The following GLG1 variants were observed in gnomAD, a reference collection of about 807,000 sequenced individuals.
GLG1 encodes Golgi apparatus protein 1.
In GLG1, 38 loss-of-function variants were observed where a neutral mutation model predicts 160.5. The observed-to-expected ratio is 0.24, with a 90% confidence interval of 0.18 to 0.31. The LOEUF (loss-of-function observed/expected upper bound fraction) is 0.31, where lower values mean the gene tolerates loss of function less well. Among genes scored for constraint, GLG1 ranks in the 10% least tolerant of loss-of-function variants. GLG1 has a pLI of 1.00. For synonymous variants in GLG1, 644 were observed against 543.4 expected (o/e 1.19, Z -2.57); for missense variants, 1,373 against 1,505.2 (o/e 0.91, Z 1.45).
At chr16:74,495,106 CTTTTTTTTTT>C (rs5817913) in intron 5 of GLG1, among the ~76,000 whole-genome samples, 3 of 83,240 alleles carry the variant, frequency 3.6e-5, no homozygotes, top group East Asian at 3.6e-4. Flanking sequence ...GAGTCTGAGT[CTTTTTTTTTT>C]TTTTTTTTTT....
intron 11 of GLG1, among the ~76,000 whole-genome samples, chr16:74,479,051 C>CAAAA (rs34125450): frequency 0.021 from 365 of 17,580 alleles, 111 homozygotes; most frequent in Non-Finnish European, 0.027. Context: ...ATTAAAAATC[C>CAAAA]AAAAAAAAAA....
intron 1 of GLG1, among the ~76,000 whole-genome samples, chr16:74,555,261 G>C (rs1313917749): frequency 6.6e-6 from 1 of 151,950 alleles, no homozygotes; most frequent in Non-Finnish European, 1.5e-5. Context: ...CTTATCTAGT[G>C]GTCTGTCCTA....
At chr16:74,545,708 T>C (rs2018026529) in intron 1 of GLG1, among the ~76,000 whole-genome samples, 1 of 152,264 alleles carries the variant, frequency 6.6e-6, no homozygotes, top group South Asian at 2.1e-4. Context: ...CTCAACTTTA[T>C]ATTTAAGTTC....
chr16:74,565,353 A>T (rs2018626022), intron 1 of GLG1, among the ~76,000 whole-genome samples: 2 of 152,142 alleles, frequency 1.3e-5, no homozygotes, highest in Admixed American at 6.6e-5. Flanking sequence ...ACAAAACAAA[A>T]CTGAGAGGTT....
Position 74,474,528 on chromosome 16 carries a change from A to G in GLG1, c.2052+18T>C. On this transcript the variant is annotated intron_variant, in intron 13 of 25. Transcript: ENST00000422840. ...TGGCAGCCACTCTCCTCCAATGAGT[A>G]AGCTGCATACCACTTACCTCTGATT... 8.4e-7 allele frequency: 1 copy of G among 1,197,334 alleles called. No homozygotes were observed. The highest frequency in any genetic ancestry group is 2.3e-5 in the East Asian group (1 of 43,040). 74.2% of individuals were successfully genotyped at this position (1,197,334 alleles called of 1,614,324 possible). A position where few individuals can be genotyped will look rare whatever the true frequency, so the allele number is the denominator to read the frequency against.
At chr16:74,522,718 C>T (rs549880067) in intron 2 of GLG1, among the ~76,000 whole-genome samples, 5 of 152,202 alleles carry the variant, frequency 3.3e-5, no homozygotes, top group Non-Finnish European at 5.9e-5. Flanking sequence ...GGACCTTGCT[C>T]TGTCACCCAG....
At chr16:74,498,448 G>GTGTATATATATATATATAAATATATATA (rs1491436581) in intron 4 of GLG1, among the ~76,000 whole-genome samples, 1 of 24,038 alleles carries the variant, frequency 4.2e-5, no homozygotes, top group Non-Finnish European at 7.7e-5. Flanking sequence ...AAAAAAAAAA[G>GTGTATATATATATATATAAATATATATA]TATATATATA....
Position 74,465,729 on chromosome 16 carries a change from T to C in GLG1, c.2614A>G (p.Met872Val), listed in dbSNP as rs761487266. Residue 872 changes from methionine to valine, a missense_variant, in exon 19 of 26, where the codon ATG becomes GTG. Physicochemically the swap from Met to Val is conservative, Grantham distance 21. Coordinates refer to ENST00000422840, the MANE Select transcript of GLG1 (RefSeq NM_001145667.2). The stretch of plus-strand genomic sequence containing the variant: ...AGGGTGTAGTCTAGCTCTGGGTCCA[T>C]CATCTCTGTCTCCTGCAGCTTAAAT... ...KVFKLQETEM[M>V]DPELDYTLMR... 6.2e-7 allele frequency: 1 copy of C among 1,613,864 alleles called. No individual in the cohort carries two copies. The highest frequency in any genetic ancestry group is 8.5e-7 in the Non-Finnish European group (1 of 1,179,770).
intron 3 of GLG1, among the ~76,000 whole-genome samples, chr16:74,508,278 G>C (rs1597284699): frequency 7.4e-6 from 1 of 134,722 alleles, no homozygotes; most frequent in Non-Finnish European, 1.6e-5. Flanking sequence ...TCAGTATGCA[G>C]AAACTCTGGC....
chr16:74,519,950 C>T (rs1328330265), intron 2 of GLG1, among the ~76,000 whole-genome samples: 1 of 152,096 alleles, frequency 6.6e-6, no homozygotes, highest in Admixed American at 6.6e-5. Flanking sequence ...ACATTATTGA[C>T]TATGTAAAAA....
intron 25 of GLG1, among the ~76,000 whole-genome samples, chr16:74,454,759 T>C (rs1024519050): frequency 2.7e-5 from 4 of 145,914 alleles, no homozygotes; most frequent in Admixed American, 6.9e-5. Context: ...CTCGAACTCC[T>C]GGGCTCAAGT....
Position 74,496,572 on chromosome 16 carries a change from G to A in GLG1, c.847C>T (p.Pro283Ser), listed in dbSNP as rs748916700. 1 of 1,613,380 alleles carries A rather than the reference G, an allele frequency of 6.2e-7. No homozygotes were observed. Among genetic ancestry groups the A allele is most frequent in the Non-Finnish European group, 8.5e-7 (1 of 1,179,428 alleles). The change falls in exon 5 of 26, where the codon CCC becomes TCC. Residue 283 changes from proline to serine, a missense_variant. Transcript: ENST00000422840. ...CAGAGTTCAGAAACTTGAATCTTGG[G>A]TTCTCTTTCTTCTGCTTCTTTCACC... is the stretch of plus-strand genomic sequence containing the variant. The part of the protein sequence containing the change: ...GLVKEAEERE[P>S]KIQVSELCKK...
intron 1 of GLG1, among the ~76,000 whole-genome samples, chr16:74,590,621 CAAA>C (rs11321370): frequency 1.6e-4 from 12 of 76,216 alleles, no homozygotes; most frequent in Non-Finnish European, 1.2e-4. Flanking sequence ...ACTCCGTCTC[CAAA>C]AAAAAAAAAA....
At position 74,468,036 on chromosome 16, in the gene GLG1, C is replaced by T; in HGVS notation, c.2437-188G>A. Reference sequence around the variant, plus strand: ...ACCAAATAGCTGCATGGCCTTGGACCTTCTTTGCAAAACACAATGCCAAGT... The same window carrying T: ...ACCAAATAGCTGCATGGCCTTGGACTTTCTTTGCAAAACACAATGCCAAGT... On this transcript the variant is annotated intron_variant, in intron 17 of 25. Coordinates refer to ENST00000422840, the MANE Select transcript of GLG1 (RefSeq NM_001145667.2). 5 of 527,274 alleles carry T rather than the reference C, an allele frequency of 9.5e-6. No individual in the cohort carries two copies. The South Asian group carries it at 1.4e-4, about 15-fold the overall frequency. 32.7% of individuals were successfully genotyped at this position (527,274 alleles called of 1,614,324 possible). A position where few individuals can be genotyped will look rare whatever the true frequency, so the allele number is the denominator to read the frequency against.
intron 1 of GLG1, among the ~76,000 whole-genome samples, chr16:74,601,659 G>A (rs1189686259): frequency 6.6e-6 from 1 of 152,152 alleles, no homozygotes. Flanking sequence ...TCATAAAGCA[G>A]AAATTCGGTT....
intron 1 of GLG1, among the ~76,000 whole-genome samples, chr16:74,584,111 A>C (rs1371693534): frequency 1.3e-5 from 2 of 152,098 alleles, no homozygotes; most frequent in Non-Finnish European, 2.9e-5. Context: ...TGCCCCGAGT[A>C]ATTTCCTTAA....
intron 17 of GLG1, chr16:74,468,371 G>C (rs2015077345): frequency 6.5e-6 from 1 of 154,382 alleles, no homozygotes; most frequent in South Asian, 2.0e-4. Flanking sequence ...AAGTAGCTGG[G>C]ATTACAGGTA....
chr16:74,457,963 G>C lies in GLG1; in HGVS notation c.3176C>G (p.Ala1059Gly), dbSNP rs989128353. Residue 1059 changes from alanine to glycine, a missense_variant, in exon 24 of 26, where the codon GCA becomes GGA. Physicochemically the swap from Ala to Gly is moderately conservative, Grantham distance 60 (BLOSUM62 0). Transcript: ENST00000422840. ...AAGTACCGGGTCAACAAAGATGTCT[G>C]CTTTGCTTTCCTTCAGCATGTTTAG... ...EVLNMLKESKADIFVDPVLHT... is the reference protein window; with the variant it reads ...EVLNMLKESKGDIFVDPVLHT... 1.2e-6 allele frequency: 2 copies of C among 1,613,446 alleles called. No individual in the cohort carries two copies. Among genetic ancestry groups the C allele is most frequent in the African/African-American group, 2.7e-5 (2 of 74,898 alleles).
rs185964486 is a variant in GLG1, at chr16:74,580,359, C to G, written c.438+26298G>C. Among the ~76,000 whole-genome samples, 224 of 152,096 alleles carry G rather than the reference C, an allele frequency of 1.5e-3. 1 individual carries two copies. The South Asian group carries it at 0.016, about 11-fold the overall frequency. On this transcript the variant is annotated intron_variant, in intron 1 of 25. Transcript: ENST00000422840. Reference sequence around the variant, plus strand: ...AAAAAAACCAAACAAAAAAACCAAGCCTGGTAGCATCTGCCTGTCGTCCCT... The same window carrying G: ...AAAAAAACCAAACAAAAAAACCAAGGCTGGTAGCATCTGCCTGTCGTCCCT...
Sources: allele counts gnomAD v4.1 joint callset (sites outside exome capture counted in the v4.1 genomes callset), GRCh38; gene constraint gnomAD v4.1.1; transcripts MANE v1.5; gene names NCBI Gene and HGNC (gene_info 2026-07-23, HGNC 2026-07-21).